The following COL28A1 variants were observed in gnomAD, a reference collection of about 807,000 sequenced individuals.
The protein encoded by COL28A1 is collagen alpha-1(XXVIII) chain.
In COL28A1, 161 loss-of-function variants were observed where a neutral mutation model predicts 150.2. The observed-to-expected ratio is 1.07, with a 90% CI of 0.94 to 1.22. The LOEUF is 1.22. Among genes scored for constraint, COL28A1 ranks in the 50% most tolerant of loss-of-function variants. COL28A1 has a pLI of 0.00. For synonymous variants in COL28A1, 552 were observed against 469.7 expected (o/e 1.18, Z -2.26); for missense variants, 1,617 against 1,388.3 (o/e 1.16, Z -2.62).
intron 27 of COL28A1, among the ~76,000 whole-genome samples, chr7:7,407,111 G>GA (rs1253948595): frequency 6.6e-6 from 1 of 151,514 alleles, no homozygotes; most frequent in Admixed American, 6.6e-5. Flanking sequence ...AAATAGAATA[G>GA]AAAAATAACG....
At chr7:7,476,916 A>G (rs1427208700) in intron 14 of COL28A1, among the ~76,000 whole-genome samples, 196 bp downstream of exon 14, 1 of 152,260 alleles carries the variant, frequency 6.6e-6, no homozygotes. Context: ...GAAGTCTTTC[A>G]ATTACTTATT....
intron 32 of COL28A1, among the ~76,000 whole-genome samples, chr7:7,372,128 G>A (rs990838674): frequency 2.6e-5 from 4 of 152,064 alleles, no homozygotes; most frequent in African/African-American, 9.7e-5. Flanking sequence ...GGCTGGGCAC[G>A]GTGGCTCATG....
At chr7:7,490,532 A>G (rs1424689123) in intron 12 of COL28A1, 46 bp downstream of exon 12, 1 of 864,210 alleles carries the variant, frequency 1.2e-6, no homozygotes, top group Non-Finnish European at 2.0e-6. Flanking sequence ...CAGGCCCTAC[A>G]ATAAATTCAA....
chr7:7,359,253 G>A (rs140376015), intron 34 of COL28A1, among the ~76,000 whole-genome samples: 275 of 150,652 alleles, frequency 1.8e-3, no homozygotes, highest in Non-Finnish European at 3.3e-3. Flanking sequence ...ATGATCACAT[G>A]CAATTGCCCA....
downstream of COL28A1, chr7:7,356,487 T>C (rs1780362638): frequency 6.6e-6 from 1 of 152,194 alleles, no homozygotes; most frequent in Non-Finnish European, 1.5e-5. Flanking sequence ...GCATGTTACA[T>C]ATACACCACA....
chr7:7,465,628 C>T (rs1436212680), intron 15 of COL28A1, among the ~76,000 whole-genome samples: 1 of 124,992 alleles, frequency 8.0e-6, no homozygotes, highest in Non-Finnish European at 1.7e-5. Flanking sequence ...CTGCCTGCCT[C>T]TGTAGGCTCC....
At chr7:7,517,326 A>G (rs1781469519) in intron 7 of COL28A1, among the ~76,000 whole-genome samples, 3 of 152,202 alleles carry the variant, frequency 2.0e-5, no homozygotes, top group East Asian at 3.8e-4. Flanking sequence ...AATAAGAAAT[A>G]TACTGTAATT....
intron 33 of COL28A1, among the ~76,000 whole-genome samples, chr7:7,361,057 C>G (rs1214642804): frequency 6.6e-6 from 1 of 152,012 alleles, no homozygotes; most frequent in East Asian, 1.9e-4. Context: ...GAAATAAAAA[C>G]AATAGTGGCC....
intron 27 of COL28A1, among the ~76,000 whole-genome samples, chr7:7,411,359 G>A (rs1362462260): frequency 6.6e-6 from 1 of 152,104 alleles, no homozygotes; most frequent in Non-Finnish European, 1.5e-5. Flanking sequence ...TTCTGGCTGT[G>A]CCCATTTATG....
chr7:7,358,935 C>T lies in COL28A1; in HGVS notation c.3206-130G>A, dbSNP rs1203965546. The T allele has an allele frequency of 4.4e-6, 3 of 682,150 alleles. No homozygotes were observed. The Admixed American group carries it at 1.1e-4, about 24-fold the overall frequency. 42.3% of individuals were successfully genotyped at this position (682,150 alleles called of 1,614,324 possible). On this transcript the variant is annotated intron_variant, in intron 34 of 34. Coordinates refer to ENST00000399429, the MANE Select transcript of COL28A1 (RefSeq NM_001037763.3). Reference sequence around the variant, plus strand: ...ACTAACAAACCAAGAAAATATGGTTCTAAGTAAGTGAAAGAAGGATTCCCT... The same window carrying T: ...ACTAACAAACCAAGAAAATATGGTTTTAAGTAAGTGAAAGAAGGATTCCCT...
chr7:7,390,429 T>C (rs1356869005), intron 27 of COL28A1, among the ~76,000 whole-genome samples: 6 of 152,200 alleles, frequency 3.9e-5, no homozygotes, highest in Admixed American at 2.0e-4. Flanking sequence ...TTGATGTTCA[T>C]CAGGAATATT....
chr7:7,441,500 A>G (rs532657770), intron 20 of COL28A1, among the ~76,000 whole-genome samples: 4 of 147,584 alleles, frequency 2.7e-5, no homozygotes, highest in Non-Finnish European at 5.9e-5. Context: ...CGCCATATCC[A>G]GGGATGTACA....
intron 1 of COL28A1, among the ~76,000 whole-genome samples, chr7:7,533,178 G>T (rs115567879): frequency 0.013 from 2,031 of 152,158 alleles, 58 homozygotes; most frequent in African/African-American, 0.046. Flanking sequence ...GTATTTTGAG[G>T]AGCATAGAGT....
chr7:7,485,543 C>T (rs141148995), intron 13 of COL28A1, among the ~76,000 whole-genome samples: 23 of 152,246 alleles, frequency 1.5e-4, no homozygotes, highest in Admixed American at 3.9e-4. Flanking sequence ...ATCAAGCCCA[C>T]GATCCTAAAG....
chr7:7,531,513 T>C lies in COL28A1; in HGVS notation c.516A>G (p.Gln172=). The C allele has an allele frequency of 6.2e-7, 1 of 1,612,440 alleles. No homozygotes were observed. The change falls in exon 3 of 35, where the codon CAA becomes CAG. Residue 172 remains glutamine, a synonymous_variant. Transcript: ENST00000399429. The part of the protein sequence containing the change: ...GIDHPKNPDV[Q]SISEDARISG... ...AAATTCTGGCATCTTCAGAAATACTTTGAACATCTGGATTCTTTGGATGGT... is the reference window on the plus strand; with the variant it reads ...AAATTCTGGCATCTTCAGAAATACTCTGAACATCTGGATTCTTTGGATGGT...
intron 23 of COL28A1, 85 bp downstream of exon 23, chr7:7,436,310 C>G (rs571411700): frequency 2.4e-6 from 2 of 826,988 alleles, no homozygotes; most frequent in Non-Finnish European, 4.3e-6. Context: ...AGAAACCTCA[C>G]AAGTAGAAAA....
chr7:7,537,269 C>T (rs535632068), upstream of COL28A1, among the ~76,000 whole-genome samples: 6 of 152,264 alleles, frequency 3.9e-5, no homozygotes, highest in African/African-American at 1.4e-4. Flanking sequence ...CTCTCTCAGA[C>T]AGGCACCATG....
In COL28A1 at chr7:7,447,962, G is replaced by C. The variant is rs941937234; in HGVS notation, c.1510-3473C>G. Among the ~76,000 whole-genome samples, 5 of 152,254 alleles carry C rather than the reference G, an allele frequency of 3.3e-5. No individual in the cohort carries two copies. In the East Asian group the frequency reaches 7.7e-4, roughly 24 times the overall value. ...GCCGCCTGTAATCCCAGCTACATGG[G>C]AAGCTAAGGCACTAGGATCTCTTGA... is the stretch of plus-strand genomic sequence containing the variant. On this transcript the variant is annotated intron_variant, in intron 18 of 34. Transcript: ENST00000399429.
rs193106577 is a variant in COL28A1 at position 7,393,845 on chromosome 7, T to C, written c.2137-12233A>G. Among the ~76,000 whole-genome samples, 57 of 152,260 alleles carry C rather than the reference T, an allele frequency of 3.7e-4. 1 individual carries two copies. In the East Asian group the frequency reaches 8.1e-3, roughly 22 times the overall value. ...GCTGGCAGTGAGAATTTCAAGCCAT[T>C]GGATCTTAGCTTGCTAGGCTCCGCG... is the stretch of plus-strand genomic sequence containing the variant. On this transcript the variant is annotated intron_variant, in intron 27 of 34. Transcript: ENST00000399429.
Sources: gnomAD v4.1 joint callset for allele counts (sites outside exome capture counted in the v4.1 genomes callset) on GRCh38, gnomAD v4.1.1 for gene constraint, MANE v1.5 for transcripts, NCBI Gene and HGNC (gene_info 2026-07-23, HGNC 2026-07-21) for gene names.